The following RPRD2 variants were observed in gnomAD, a reference collection of about 807,000 sequenced individuals.
RPRD2 encodes regulation of nuclear pre-mRNA domain-containing protein 2.
A neutral mutation model predicts 104.4 loss-of-function variants in RPRD2; 12 were observed. The ratio of observed to expected loss-of-function variants is 0.11; its 90% CI spans 0.07 to 0.19. RPRD2 has a LOEUF of 0.19. Among genes scored for constraint, RPRD2 ranks in the 10% least tolerant of loss-of-function variants. The pLI is 1.00. For synonymous variants in RPRD2, 714 were observed against 684.9 expected, an observed-to-expected ratio of 1.04 and a Z score of -0.66; for missense variants, 1,543 against 1,790.1, an observed-to-expected ratio of 0.86 and a Z score of 2.49.
chr1:150,441,301 G>A lies in RPRD2; in HGVS notation c.436+278G>A, dbSNP rs587719851. ...CATCTGGTTATTTTCCTGCATTTGC[G>A]TTGAGTGTTTCAAATGGTTCATTGT... On this transcript the variant is annotated intron_variant, in intron 3 of 10. Coordinates refer to ENST00000369068, the MANE Select transcript of RPRD2 (RefSeq NM_015203.5). The A allele has an allele frequency of 9.4e-5, 30 of 319,512 alleles. No homozygotes were observed. In the South Asian group the frequency reaches 1.1e-3, roughly 12 times the overall value. 19.8% of individuals were successfully genotyped at this position (319,512 alleles called of 1,614,324 possible).
At position 150,460,253 on chromosome 1, in the gene RPRD2, T is replaced by C; in HGVS notation, c.1347T>C (p.Ala449=). ...PSPALALPNL[A]NVDLAKISSI... ...CAGCATTGGCTTTGCCAAACCTGGC[T>C]AATGTGGATCTGGCAAAGATCAGTT... The change falls in exon 9 of 11, where the codon GCT becomes GCC. Residue 449 remains alanine, a synonymous_variant. Coordinates refer to ENST00000369068, the MANE Select transcript of RPRD2 (RefSeq NM_015203.5). 6.2e-7 allele frequency: 1 copy of C among 1,613,518 alleles called. No individual in the cohort carries two copies. Among genetic ancestry groups the C allele is most frequent in the Non-Finnish European group, 8.5e-7 (1 of 1,179,692 alleles).
intron 2 of RPRD2, among the ~76,000 whole-genome samples, chr1:150,433,506 G>A (rs1057292823): frequency 4.3e-5 from 6 of 138,798 alleles, no homozygotes; most frequent in South Asian, 2.2e-4. Context: ...GTGCAGTGGC[G>A]CAATCTCAGC....
intron 2 of RPRD2, among the ~76,000 whole-genome samples, chr1:150,429,472 A>G (rs1665405381): frequency 6.6e-6 from 1 of 151,924 alleles, no homozygotes; most frequent in South Asian, 2.1e-4. Flanking sequence ...CTCCTACCTC[A>G]GCTCCCCAGA....
rs373950727 is a variant in RPRD2 at position 150,451,756 on chromosome 1, T to G, written c.870+5355T>G. ...TCAGTACATGTGAATGTGACCTTAT[T>G]TGGAAATAGGGTCTTTGCTGATATA... is the stretch of plus-strand genomic sequence containing the variant. On this transcript the variant is annotated intron_variant, in intron 7 of 10. Transcript: ENST00000369068. Among the ~76,000 whole-genome samples, 4 of 151,892 alleles carry G rather than the reference T, an allele frequency of 2.6e-5. No homozygotes were observed. In the Middle Eastern group the frequency reaches 0.01, roughly 390 times the overall value.
chr1:150,437,116 G>T (rs1397158156), intron 2 of RPRD2, among the ~76,000 whole-genome samples: 2 of 152,152 alleles, frequency 1.3e-5, no homozygotes, highest in African/African-American at 4.8e-5. Context: ...ATGGATCTGG[G>T]CAAAGGAAAT....
At position 150,470,708 on chromosome 1, in the gene RPRD2, C is replaced by G; in HGVS notation, c.1760C>G (p.Pro587Arg). 1 of 1,614,006 alleles carries G rather than the reference C, an allele frequency of 6.2e-7. No individual in the cohort carries two copies. Among genetic ancestry groups the G allele is most frequent in the Non-Finnish European group, 8.5e-7 (1 of 1,179,890 alleles). The change falls in exon 11 of 11, where the codon CCC (proline) becomes CGC (arginine). Residue 587 changes from proline to arginine, a missense_variant. Pro to Arg is a moderately radical substitution (Grantham distance 103). Coordinates refer to ENST00000369068, the MANE Select transcript of RPRD2 (RefSeq NM_015203.5). Reference protein sequence around the residue: ...NLPSSAQPFIPKSFNYSPNSS... With the variant: ...NLPSSAQPFIRKSFNYSPNSS... Reference sequence around the variant, plus strand: ...CCCTCCAGTGCCCAACCTTTTATTCCCAAAAGCTTCAACTATTCTCCTAAC... The same window carrying G: ...CCCTCCAGTGCCCAACCTTTTATTCGCAAAAGCTTCAACTATTCTCCTAAC...
chr1:150,394,772 A>T (rs587651447), intron 1 of RPRD2, among the ~76,000 whole-genome samples: 1 of 151,922 alleles, frequency 6.6e-6, no homozygotes, highest in South Asian at 2.1e-4. Context: ...TGTAGAGACC[A>T]GGTATCACCA....
At chr1:150,405,746 A>C (rs1472703260) in intron 1 of RPRD2, among the ~76,000 whole-genome samples, 1 of 152,152 alleles carries the variant, frequency 6.6e-6, no homozygotes, top group Non-Finnish European at 1.5e-5. Context: ...ATAAGTTTTA[A>C]ATTGTGCACC....
intron 2 of RPRD2, among the ~76,000 whole-genome samples, chr1:150,431,186 A>C (rs1553891623): frequency 6.6e-6 from 1 of 152,182 alleles, no homozygotes; most frequent in Admixed American, 6.6e-5. Flanking sequence ...ACCCATTTAC[A>C]TTTCTTGTAG....
intron 1 of RPRD2, among the ~76,000 whole-genome samples, chr1:150,372,344 G>A (rs781894827): frequency 6.6e-6 from 1 of 152,142 alleles, no homozygotes; most frequent in Non-Finnish European, 1.5e-5. Flanking sequence ...TTAAAATTTA[G>A]CCGGGCTTGG....
At chr1:150,438,118 C>G (rs1049513710) in intron 2 of RPRD2, among the ~76,000 whole-genome samples, 1 of 149,858 alleles carries the variant, frequency 6.7e-6, no homozygotes, top group African/African-American at 2.5e-5. Context: ...CCCATCTCAA[C>G]TAAAAAAATA....
intron 1 of RPRD2, among the ~76,000 whole-genome samples, chr1:150,403,587 G>A (rs782346031): frequency 1.2e-4 from 18 of 152,126 alleles, no homozygotes; most frequent in Non-Finnish European, 2.1e-4. Flanking sequence ...TATGGCGTAC[G>A]TCAGAATTTT....
At position 150,473,021 on chromosome 1, in the gene RPRD2, A is replaced by G; in HGVS notation, c.4073A>G (p.Asn1358Ser). The change falls in exon 11 of 11, where the codon AAC (asparagine) becomes AGC (serine). Residue 1358 changes from asparagine (N) to serine (S), a missense_variant. Physicochemically the swap from Asn to Ser is conservative, Grantham distance 46. This residue lies in a region of RPRD2 where 880 missense variants were observed against 885.6 expected (regional missense o/e 0.99). Coordinates refer to ENST00000369068, the MANE Select transcript of RPRD2 (RefSeq NM_015203.5). ...GGGGGCCCCACCCAACGGGACCTCA[A>G]CGGCCCTGGCCTTAGCCGTGTACGA... ...DHGGPTQRDL[N>S]GPGLSRVRES... The G allele has an allele frequency of 6.2e-7, 1 of 1,613,982 alleles. No individual in the cohort carries two copies. Among genetic ancestry groups the G allele is most frequent in the South Asian group, 1.1e-5 (1 of 91,080 alleles).
chr1:150,397,446 A>G (rs930661999), intron 1 of RPRD2, among the ~76,000 whole-genome samples: 4 of 152,166 alleles, frequency 2.6e-5, no homozygotes, highest in Non-Finnish European at 5.9e-5. Flanking sequence ...TATAGAACTT[A>G]TATAAGTTCT....
At chr1:150,437,869 C>T (rs1363457905) in intron 2 of RPRD2, among the ~76,000 whole-genome samples, 2 of 151,594 alleles carry the variant, frequency 1.3e-5, no homozygotes, top group South Asian at 2.1e-4. Context: ...CGTGAGCCAC[C>T]GTGCCCAGCC....
rs587761348 is a variant in RPRD2 at position 150,379,469 on chromosome 1, C to T, written c.205+14550C>T. On this transcript the variant is annotated intron_variant, in intron 1 of 10. Transcript: ENST00000369068. Reference sequence around the variant, plus strand: ...CTAGGCTAGAGTGCAATGGCGCCATCTCGGCTCACTGCAGCCTCCGCCTCC... The same window carrying T: ...CTAGGCTAGAGTGCAATGGCGCCATTTCGGCTCACTGCAGCCTCCGCCTCC... Among the ~76,000 whole-genome samples the T allele has an allele frequency of 1.4e-4, 21 of 151,948 alleles. No homozygotes were observed. In the South Asian group the frequency reaches 4.4e-3, roughly 32 times the overall value.
chr1:150,460,002 T>TA (rs1667815615), intron 8 of RPRD2, 58 bp from the exon 9 acceptor site: 2 of 1,542,042 alleles, frequency 1.3e-6, no homozygotes, highest in South Asian at 2.3e-5. Context: ...TTATTTCATA[T>TA]AGGAAGCAAA....
chr1:150,472,739 G>A lies in RPRD2; in HGVS notation c.3791G>A (p.Gly1264Glu). 1.2e-6 allele frequency: 2 copies of A among 1,613,262 alleles called. No homozygotes were observed. The highest frequency in any genetic ancestry group is 1.7e-6 in the Non-Finnish European group (2 of 1,179,440). ...CCCCCTCCTCCTGGAGAGCACAGTG[G>A]AATTCCTTTCCCTACCCCACCTCCT... ...APPPPPGEHS[G>E]IPFPTPPPPP... The change falls in exon 11 of 11, where the codon GGA (glycine) becomes GAA (glutamate). Residue 1264 changes from glycine (G) to glutamate (E), a missense_variant. Coordinates refer to ENST00000369068, the MANE Select transcript of RPRD2 (RefSeq NM_015203.5).
At chr1:150,437,825 C>CA (rs1553893492) in intron 2 of RPRD2, among the ~76,000 whole-genome samples, 1 of 151,990 alleles carries the variant, frequency 6.6e-6, no homozygotes, top group Non-Finnish European at 1.5e-5. Context: ...GGTGATCCGC[C>CA]AGCTTCAGCC....
Sources: allele counts gnomAD v4.1 joint callset (sites outside exome capture counted in the v4.1 genomes callset), GRCh38; gene constraint gnomAD v4.1.1; regional missense constraint gnomAD v4.1.1; transcripts MANE v1.5; gene names NCBI Gene and HGNC (gene_info 2026-07-23, HGNC 2026-07-21).